The following DNAJC5B variants were observed in gnomAD, a reference collection of about 807,000 sequenced individuals.
DNAJC5B encodes dnaJ homolog subfamily C member 5B.
A neutral mutation model predicts 24.7 loss-of-function variants in DNAJC5B; 23 were observed. The observed-to-expected ratio is 0.93, with a 90% CI of 0.67 to 1.32. The LOEUF (loss-of-function observed/expected upper bound fraction) is 1.32, where lower values mean the gene tolerates loss of function less well. DNAJC5B is among the 40% of genes most tolerant of loss of function. DNAJC5B has a pLI of 0.00. For synonymous variants in DNAJC5B, 101 were observed against 90.1 expected (o/e 1.12, Z -0.68); for missense variants, 238 against 240.8 (o/e 0.99, Z 0.08).
intron 3 of DNAJC5B, among the ~76,000 whole-genome samples, chr8:66,065,097 A>T (rs1004698333): frequency 4.6e-5 from 7 of 152,266 alleles, no homozygotes; most frequent in Admixed American, 4.6e-4. Context: ...CAGTGGTTTC[A>T]CCAACTCCAC....
chr8:66,100,047 GAGTCCAC>G lies in DNAJC5B; in HGVS notation c.*22_*28del, dbSNP rs776081153. ...AGACTCTTGATATTGAGCCCTCAGA[GAGTCCAC>G]AGTCCCTCCTCTCAGTTCAGTCTTG... On this transcript the variant is annotated 3_prime_UTR_variant, in exon 6 of 6. Transcript: ENST00000276570. 6 of 1,609,950 alleles carry G rather than the reference GAGTCCAC, an allele frequency of 3.7e-6. No homozygotes were observed. The Admixed American group carries it at 8.3e-5, about 22-fold the overall frequency.
chr8:66,038,983 GA>G (rs1397170416), intron 1 of DNAJC5B, among the ~76,000 whole-genome samples: 1 of 152,178 alleles, frequency 6.6e-6, no homozygotes. Context: ...TTAACCAAAG[GA>G]AGCAAGTTCT....
chr8:66,079,643 C>G (rs1022895372), intron 4 of DNAJC5B, among the ~76,000 whole-genome samples: 3 of 152,156 alleles, frequency 2.0e-5, no homozygotes, highest in Admixed American at 6.5e-5. Flanking sequence ...AGAGCCAGAT[C>G]ACCATAATAA....
chr8:66,027,217 G>A (rs1806264536), intron 1 of DNAJC5B, among the ~76,000 whole-genome samples: 1 of 152,160 alleles, frequency 6.6e-6, no homozygotes, highest in African/African-American at 2.4e-5. Context: ...AGGCACTGGT[G>A]GCAGGACAGC....
chr8:66,063,553 C>A (rs1807127573), intron 3 of DNAJC5B, among the ~76,000 whole-genome samples: 1 of 152,198 alleles, frequency 6.6e-6, no homozygotes, highest in Non-Finnish European at 1.5e-5. Context: ...ATACTCACAG[C>A]CCACTTGGAA....
intron 3 of DNAJC5B, among the ~76,000 whole-genome samples, chr8:66,060,165 G>C (rs1341420612): frequency 6.6e-6 from 1 of 152,132 alleles, no homozygotes; most frequent in East Asian, 1.9e-4. Context: ...ACATGCTCAG[G>C]GGGTGAGCCA....
chr8:66,093,447 T>C (rs1246447827), intron 5 of DNAJC5B, among the ~76,000 whole-genome samples: 1 of 152,194 alleles, frequency 6.6e-6, no homozygotes, highest in South Asian at 2.1e-4. Context: ...AGGTGGGAAA[T>C]GGTGTGTCAT....
intron 3 of DNAJC5B, among the ~76,000 whole-genome samples, chr8:66,062,588 T>G (rs897251814): frequency 1.3e-5 from 2 of 152,206 alleles, no homozygotes; most frequent in African/African-American, 4.8e-5. Flanking sequence ...TCTAGCATGT[T>G]GGGTGCAAGA....
chr8:66,084,430 T>C (rs1807674955), intron 5 of DNAJC5B, among the ~76,000 whole-genome samples: 1 of 152,156 alleles, frequency 6.6e-6, no homozygotes, highest in Non-Finnish European at 1.5e-5. Context: ...AATTCAAAAA[T>C]GGCAAACTGT....
rs139192843 is a variant in DNAJC5B, at chr8:66,045,523, G to A, written c.-18+1912G>A. Among the ~76,000 whole-genome samples, 88 of 152,180 alleles carry A rather than the reference G, an allele frequency of 5.8e-4. 1 individual carries two copies. In the East Asian group the frequency reaches 0.013, roughly 22 times the overall value. ...AATTAGCTAGCTACTGTGTCTTCCC[G>A]GGTGTGAGTTTTTATCTATGAAACT... is the stretch of plus-strand genomic sequence containing the variant. On this transcript the variant is annotated intron_variant, in intron 2 of 5. Coordinates refer to ENST00000276570, the MANE Select transcript of DNAJC5B (RefSeq NM_033105.6).
chr8:66,018,029 C>T (rs1006682303), upstream of DNAJC5B, among the ~76,000 whole-genome samples: 2 of 152,174 alleles, frequency 1.3e-5, no homozygotes, highest in African/African-American at 4.8e-5. Flanking sequence ...AGAGCGTACT[C>T]AATACTGTAC....
At chr8:66,083,444 A>G (rs1338812271) in intron 5 of DNAJC5B, among the ~76,000 whole-genome samples, 3 of 152,194 alleles carry the variant, frequency 2.0e-5, no homozygotes, top group Non-Finnish European at 4.4e-5. Context: ...AATGTTGTCT[A>G]CATTTTTAGG....
chr8:66,051,950 C>A (rs994062447), intron 3 of DNAJC5B, among the ~76,000 whole-genome samples: 2 of 151,770 alleles, frequency 1.3e-5, no homozygotes, highest in Non-Finnish European at 2.9e-5. Flanking sequence ...GAACCAACCA[C>A]AACCAATTGC....
chr8:66,099,023 GTCTC>G (rs766182470), intron 5 of DNAJC5B, among the ~76,000 whole-genome samples: 31 of 136,218 alleles, frequency 2.3e-4, no homozygotes, highest in Admixed American at 1.5e-3. Flanking sequence ...CTAATTCTCT[GTCTC>G]TCTCTCTGTC....
At chr8:66,091,474 A>G (rs1807845342) in intron 5 of DNAJC5B, among the ~76,000 whole-genome samples, 1 of 152,198 alleles carries the variant, frequency 6.6e-6, no homozygotes, top group Admixed American at 6.5e-5. Flanking sequence ...AAGAATTGTC[A>G]CAGCCTCTCC....
chr8:66,072,517 A>G (rs563310977), intron 3 of DNAJC5B, among the ~76,000 whole-genome samples: 1 of 152,204 alleles, frequency 6.6e-6, no homozygotes, highest in Non-Finnish European at 1.5e-5. Flanking sequence ...CAAGTCTCAA[A>G]TTTTAAAGGA....
chr8:66,098,851 T>A (rs1212550001), intron 5 of DNAJC5B, among the ~76,000 whole-genome samples: 1 of 152,136 alleles, frequency 6.6e-6, no homozygotes, highest in Non-Finnish European at 1.5e-5. Context: ...TAATTACTTT[T>A]AAAACATAAT....
At chr8:66,051,723 C>CGGAAA in intron 3 of DNAJC5B, 57 bp downstream of exon 3, 15 of 1,287,744 alleles carry the variant, frequency 1.2e-5, no homozygotes, top group Non-Finnish European at 1.7e-5. Context: ...TTGTGACTGG[C>CGGAAA]AGATTCCTCC....
intron 1 of DNAJC5B, among the ~76,000 whole-genome samples, chr8:66,022,888 C>T (rs182493889): frequency 2.6e-5 from 4 of 152,298 alleles, no homozygotes; most frequent in Admixed American, 1.3e-4. Flanking sequence ...ATCTCATTGG[C>T]CCAGTTTTTA....
Sources: allele counts gnomAD v4.1 joint callset (sites outside exome capture counted in the v4.1 genomes callset), GRCh38; gene constraint gnomAD v4.1.1; transcripts MANE v1.5; gene names NCBI Gene and HGNC (gene_info 2026-07-23, HGNC 2026-07-21).